Variants in RCAN2 observed in about 807,000 individuals in gnomAD.
The protein encoded by RCAN2 is calcipressin-2.
In RCAN2, 9 loss-of-function variants were observed where a neutral mutation model predicts 23.6. That is an observed-to-expected ratio of 0.38 (90% CI 0.23 to 0.67). The LOEUF (loss-of-function observed/expected upper bound fraction) is 0.67, where lower values mean the gene tolerates loss of function less well. RCAN2 is among the 30% of genes least tolerant of loss of function. The pLI is 0.51. For synonymous variants in RCAN2, 109 were observed against 115.7 expected (o/e 0.94, Z 0.37); for missense variants, 273 against 302.3 (o/e 0.90, Z 0.72).
At chr6:46,378,135 G>T (rs1180177591) in intron 2 of RCAN2, among the ~76,000 whole-genome samples, 2 of 152,150 alleles carry the variant, frequency 1.3e-5, no homozygotes, top group Non-Finnish European at 2.9e-5. Flanking sequence ...TGCTAATCGT[G>T]GTGCCAGTTC....
At chr6:46,298,519 A>C (rs563175543) in intron 2 of RCAN2, among the ~76,000 whole-genome samples, 2 of 152,022 alleles carry the variant, frequency 1.3e-5, no homozygotes, top group Non-Finnish European at 2.9e-5. Flanking sequence ...TAAACCAATA[A>C]TTTTTCAGAT....
At chr6:46,377,053 GA>G (rs1267670123) in intron 2 of RCAN2, among the ~76,000 whole-genome samples, 1 of 152,004 alleles carries the variant, frequency 6.6e-6, no homozygotes, top group Non-Finnish European at 1.5e-5. Flanking sequence ...ATTTCATGAG[GA>G]AAAAAAGGCA....
chr6:46,258,665 G>A (rs367897612), intron 2 of RCAN2, among the ~76,000 whole-genome samples: 31 of 152,304 alleles, frequency 2.0e-4, no homozygotes, highest in African/African-American at 7.2e-4. Context: ...CAAGTTCCAT[G>A]ATCCATGTTC....
At position 46,258,953 on chromosome 6, in the gene RCAN2, A is replaced by G. The variant is rs568549023; in HGVS notation, c.226-10057T>C. ...AGGGAGGCAGAGCGGGGGTGAATCC[A>G]AGTATTATGTAACCTGAAGATTTCA... On this transcript the variant is annotated intron_variant, in intron 2 of 4. Coordinates refer to ENST00000371374, the MANE Select transcript of RCAN2 (RefSeq NM_001251974.2). 7.7e-4 allele frequency among the ~76,000 whole-genome samples: 117 copies of G among 152,300 alleles called. 1 individual carries two copies. The highest frequency in any genetic ancestry group is 2.6e-3 in the African/African-American group (107 of 41,564).
chr6:46,335,913 G>A (rs925843499), intron 2 of RCAN2, among the ~76,000 whole-genome samples: 2 of 152,158 alleles, frequency 1.3e-5, no homozygotes, highest in East Asian at 3.8e-4. Flanking sequence ...ACATTCATAG[G>A]AGTTAATGTA....
chr6:46,238,586 C>T (rs112573401), intron 4 of RCAN2, among the ~76,000 whole-genome samples: 5 of 152,318 alleles, frequency 3.3e-5, no homozygotes, highest in African/African-American at 1.2e-4. Context: ...ACTCACTTTG[C>T]TCTGTCACCT....
intron 2 of RCAN2, among the ~76,000 whole-genome samples, chr6:46,365,918 C>T (rs1765160913): frequency 6.6e-6 from 1 of 152,152 alleles, no homozygotes; most frequent in Non-Finnish European, 1.5e-5. Context: ...TAGCTAGGTG[C>T]TCTACTTGCA....
At position 46,223,075 on chromosome 6, in the gene RCAN2, G is replaced by T. The variant is rs1042863223; in HGVS notation, c.*66C>A. 8.4e-6 allele frequency: 13 copies of T among 1,549,130 alleles called. No individual in the cohort carries two copies. The highest frequency in any genetic ancestry group is 3.6e-5 in the South Asian group (3 of 83,546). Reference sequence around the variant, plus strand: ...CAGGAATTTAAAGGCAATTTTTTTTGACAAACAACAGGGGGAAAAAGCATG... The same window carrying T: ...CAGGAATTTAAAGGCAATTTTTTTTTACAAACAACAGGGGGAAAAAGCATG... On this transcript the variant is annotated 3_prime_UTR_variant, in exon 5 of 5. Transcript: ENST00000371374.
intron 2 of RCAN2, among the ~76,000 whole-genome samples, chr6:46,397,793 A>G (rs1363954999): frequency 6.6e-6 from 1 of 152,212 alleles, no homozygotes; most frequent in Non-Finnish European, 1.5e-5. Flanking sequence ...CCACTCAGCT[A>G]TGAAGTTATC....
intron 2 of RCAN2, among the ~76,000 whole-genome samples, chr6:46,311,230 C>G (rs1763249908): frequency 6.6e-6 from 1 of 152,212 alleles, no homozygotes; most frequent in African/African-American, 2.4e-5. Flanking sequence ...ACCCAGTGCT[C>G]TGCCTCCTGG....
intron 2 of RCAN2, among the ~76,000 whole-genome samples, chr6:46,412,192 G>A (rs1241064721): frequency 6.6e-6 from 1 of 152,162 alleles, no homozygotes; most frequent in Non-Finnish European, 1.5e-5. Flanking sequence ...AGAGGGAAAG[G>A]AGGAAATAAT....
chr6:46,483,198 T>C (rs1449500444), intron 1 of RCAN2, among the ~76,000 whole-genome samples: 1 of 152,204 alleles, frequency 6.6e-6, no homozygotes, highest in Non-Finnish European at 1.5e-5. Flanking sequence ...GTTTCCACTT[T>C]AATTATCTCA....
At chr6:46,279,016 G>A (rs1767809769) in intron 2 of RCAN2, among the ~76,000 whole-genome samples, 1 of 152,164 alleles carries the variant, frequency 6.6e-6, no homozygotes, top group South Asian at 2.1e-4. Context: ...TGAAACCTGA[G>A]CAATGGTATG....
intron 2 of RCAN2, among the ~76,000 whole-genome samples, chr6:46,324,618 T>C (rs973830630): frequency 1.7e-4 from 26 of 152,090 alleles, no homozygotes; most frequent in African/African-American, 6.3e-4. Context: ...AGAGAAAAAA[T>C]AAACATTTCC....
intron 2 of RCAN2, among the ~76,000 whole-genome samples, chr6:46,326,846 T>G (rs566939362): frequency 1.4e-4 from 22 of 152,326 alleles, no homozygotes; most frequent in African/African-American, 4.8e-4. Flanking sequence ...CTTTCTCATT[T>G]GTCCTCATTG....
intron 4 of RCAN2, among the ~76,000 whole-genome samples, chr6:46,224,216 G>T (rs1158187063): frequency 2.0e-5 from 3 of 151,900 alleles, no homozygotes; most frequent in Admixed American, 1.3e-4. Context: ...AAGAGGAGGG[G>T]GTATTCTCAA....
At chr6:46,466,102 C>G (rs1582225241) in intron 1 of RCAN2, among the ~76,000 whole-genome samples, 1 of 152,306 alleles carries the variant, frequency 6.6e-6, no homozygotes, top group Non-Finnish European at 1.5e-5. Flanking sequence ...GAAGACCATC[C>G]TCTCATGATT....
intron 4 of RCAN2, among the ~76,000 whole-genome samples, chr6:46,228,517 A>G (rs1035945590): frequency 1.3e-4 from 20 of 151,890 alleles, no homozygotes; most frequent in Admixed American, 4.6e-4. Context: ...TGATCCCTTT[A>G]CCATTATGTA....
At chr6:46,246,154 G>C (rs1260410948) in intron 4 of RCAN2, among the ~76,000 whole-genome samples, 3 of 152,202 alleles carry the variant, frequency 2.0e-5, no homozygotes, top group African/African-American at 7.2e-5. Context: ...ATAAAGTGTG[G>C]TGGTAGATTC....
Sources: allele counts gnomAD v4.1 joint callset (sites outside exome capture counted in the v4.1 genomes callset), GRCh38; gene constraint gnomAD v4.1.1; transcripts MANE v1.5; gene names NCBI Gene and HGNC (gene_info 2026-07-23, HGNC 2026-07-21).